The following STKLD1 variants were observed in gnomAD, a reference collection of about 807,000 sequenced individuals.
STKLD1 encodes the protein serine/threonine kinase like domain containing 1.
A neutral mutation model predicts 80.4 loss-of-function variants in STKLD1; 79 were observed. The observed-to-expected ratio is 0.98, with a 90% CI of 0.82 to 1.19. The LOEUF (loss-of-function observed/expected upper bound fraction) is 1.19. STKLD1 is among the 50% of genes most tolerant of loss of function. The pLI is 0.00. For missense variants in STKLD1, 841 were observed against 856.0 expected (o/e 0.98, Z 0.22); for synonymous variants, 393 against 357.6 (o/e 1.10, Z -1.12).
rs1554778380 is a variant in STKLD1 at position 133,404,802 on chromosome 9, C to T, written c.1746C>T (p.Phe582=). 6.2e-7 allele frequency: 1 copy of T among 1,612,946 alleles called. No individual in the cohort carries two copies. Residue 582 remains phenylalanine (F), a synonymous_variant, in exon 17 of 18, where the codon TTC becomes TTT. Transcript: ENST00000371957. ...SLVKVSELAA[F]KVVVQEEGGS... is the part of the protein sequence containing the mutation. The stretch of plus-strand genomic sequence containing the variant: ...CCCATCCCCCAGAGCTGGCGGCCTT[C>T]AAGGTGGTGGTGCAGGAGGAGGGCG...
intron 11 of STKLD1, 122 bp from the exon 12 acceptor site, chr9:133,400,291 C>A: frequency 5.7e-6 from 4 of 702,026 alleles, no homozygotes; most frequent in Middle Eastern, 2.6e-4. Context: ...ATTGTCCTTC[C>A]CCCTTCTATT....
intron 7 of STKLD1, among the ~76,000 whole-genome samples, chr9:133,392,016 T>A (rs28502181): frequency 6.7e-6 from 1 of 149,558 alleles, no homozygotes. Flanking sequence ...GCTGGAGAGA[T>A]CAACCACAGA....
Position 133,390,604 on chromosome 9 carries a change from TC to T in STKLD1, c.468-74del. On this transcript the variant is annotated intron_variant, in intron 6 of 17. Transcript: ENST00000371957. The surrounding 1 kb of genome is among the most constrained non-coding windows in gnomAD (Gnocchi z 5.1). ...GAGTCAGGCTCAGCACACACACTGG[TC>T]CCACCTGGGGTTGTGGGTGGTGGCT... The T allele has an allele frequency of 9.6e-7, 1 of 1,043,518 alleles. No homozygotes were observed. The highest frequency in any genetic ancestry group is 1.5e-6 in the Non-Finnish European group (1 of 667,980). The allele number at this position is 1,043,518 out of a possible 1,614,324, so 64.6% of individuals were successfully genotyped here.
intron 7 of STKLD1, among the ~76,000 whole-genome samples, chr9:133,391,352 G>A (rs184928185): frequency 0.081 from 11,516 of 141,608 alleles, 718 homozygotes; most frequent in African/African-American, 0.18. Context: ...CCGCCACCCC[G>A]TCTGGGAGGT....
chr9:133,378,191 T>C (rs1838047546), intron 1 of STKLD1, among the ~76,000 whole-genome samples: 1 of 152,196 alleles, frequency 6.6e-6, no homozygotes, highest in South Asian at 2.1e-4. Flanking sequence ...TGGCTTAGAA[T>C]ATCCAGTGTC....
In STKLD1 at chr9:133,376,461, G is replaced by A; in HGVS notation, c.-13G>A. 2.5e-6 allele frequency: 4 copies of A among 1,572,520 alleles called. No individual in the cohort carries two copies. Among genetic ancestry groups the A allele is most frequent in the Non-Finnish European group, 3.4e-6 (4 of 1,162,430 alleles). On this transcript the variant is annotated 5_prime_UTR_variant, in exon 1 of 18. Coordinates refer to ENST00000371957, the MANE Select transcript of STKLD1 (RefSeq NM_153710.5). ...AGGGGTGGACGCTCGCCCGTACGCG[G>A]TCGCTACTGATCATGCTTGGGCCAG... is the stretch of plus-strand genomic sequence containing the variant.
At chr9:133,391,397 G>A (rs11507291) in intron 7 of STKLD1, among the ~76,000 whole-genome samples, 13,978 of 145,720 alleles carry the variant, frequency 0.096, 890 homozygotes, top group African/African-American at 0.19. Context: ...GGCCATGATG[G>A]CAATGGCGGT....
intron 2 of STKLD1, among the ~76,000 whole-genome samples, chr9:133,383,169 T>G (rs1838180985): frequency 1.4e-5 from 2 of 138,248 alleles, no homozygotes; most frequent in Non-Finnish European, 3.1e-5. Context: ...TGGTGATGAT[T>G]GTGTGATGAT....
At chr9:133,378,237 C>T (rs1489302800) in intron 1 of STKLD1, among the ~76,000 whole-genome samples, 2 of 152,194 alleles carry the variant, frequency 1.3e-5, no homozygotes, top group Non-Finnish European at 2.9e-5. Context: ...ATTACAGACT[C>T]CTAAGACTTT....
intron 2 of STKLD1, among the ~76,000 whole-genome samples, chr9:133,380,162 A>G (rs1308687409): frequency 6.6e-6 from 1 of 152,116 alleles, no homozygotes; most frequent in Admixed American, 6.5e-5. Context: ...CAGCCTCCCA[A>G]GTAGCTGGGA....
intron 7 of STKLD1, among the ~76,000 whole-genome samples, chr9:133,392,921 T>A (rs1284476424): frequency 7.8e-5 from 10 of 128,054 alleles, no homozygotes; most frequent in Admixed American, 1.5e-4. Context: ...GGTGGGTCAG[T>A]GGATGGATGG....
At chr9:133,397,344 G>A (rs781854889) in intron 10 of STKLD1, 50 bp downstream of exon 10, 3 of 1,605,894 alleles carry the variant, frequency 1.9e-6, no homozygotes, top group Non-Finnish European at 1.7e-6. Flanking sequence ...TCCTGTCCAT[G>A]GCCTTGGCAT....
intron 1 of STKLD1, among the ~76,000 whole-genome samples, chr9:133,378,814 G>A (rs1036606307): frequency 1.3e-5 from 2 of 152,236 alleles, no homozygotes; most frequent in East Asian, 1.9e-4. Context: ...GGTTGTAGAA[G>A]AGCTCCAGAA....
rs1838716315 is a variant in STKLD1 at position 133,401,878 on chromosome 9, GGT to G, written c.1339+5_1339+6del. ...CCTGCTAGCCATCACCACAACCCAG[GGT>G]GTGTCTGCCAGCCACCTCCTGCCCC... On this transcript the variant is annotated splice_donor_variant, in intron 13 of 17. Coordinates refer to ENST00000371957, the MANE Select transcript of STKLD1 (RefSeq NM_153710.5). LOFTEE classifies it high-confidence loss of function. 1 of 1,612,972 alleles carries G rather than the reference GGT, an allele frequency of 6.2e-7. No individual in the cohort carries two copies. The highest frequency in any genetic ancestry group is 1.3e-5 in the African/African-American group (1 of 75,014).
At chr9:133,391,555 A>C (rs111315090) in intron 7 of STKLD1, among the ~76,000 whole-genome samples, 1 of 151,652 alleles carries the variant, frequency 6.6e-6, no homozygotes, top group East Asian at 1.9e-4. Context: ...CTGTTGATCT[A>C]TGACCTTACC....
At position 133,403,929 on chromosome 9, in the gene STKLD1, A is replaced by T; in HGVS notation, c.1613A>T (p.Lys538Met). 1 of 1,606,962 alleles carries T rather than the reference A, an allele frequency of 6.2e-7. No homozygotes were observed. The highest frequency in any genetic ancestry group is 8.5e-7 in the Non-Finnish European group (1 of 1,175,866). Residue 538 changes from lysine to methionine, a missense_variant, in exon 16 of 18, where the codon AAG becomes ATG. Coordinates refer to ENST00000371957, the MANE Select transcript of STKLD1 (RefSeq NM_153710.5). ...FWLLSLLGCI[K>M]EQQFEQVVAL... ...CGGCCCCTTTCTGCAGGCTGCATCAAGGAGCAGCAGTTTGAACAAGTGGTG... is the reference window on the plus strand; with the variant it reads ...CGGCCCCTTTCTGCAGGCTGCATCATGGAGCAGCAGTTTGAACAAGTGGTG...
At chr9:133,388,648 A>G (rs1030959416) in intron 5 of STKLD1, 3 of 704,436 alleles carry the variant, frequency 4.3e-6, no homozygotes, top group Non-Finnish European at 5.2e-6. Flanking sequence ...TTTGGAGTTT[A>G]AGAAGCATTT....
rs1050731601 is a variant in STKLD1, at chr9:133,394,982, G to A, written c.702+573G>A. Among the ~76,000 whole-genome samples the A allele has an allele frequency of 1.6e-4, 25 of 152,204 alleles. No individual in the cohort carries two copies. The highest frequency in any genetic ancestry group is 3.4e-4 in the Non-Finnish European group (23 of 68,042). ...GGTCACTCTGGCTGCAGGGAGGCAG[G>A]GAAGTCCAGCCTGTCGCTTCCTATC... On this transcript the variant is annotated intron_variant, in intron 8 of 17. Coordinates refer to ENST00000371957, the MANE Select transcript of STKLD1 (RefSeq NM_153710.5). This position sits in a 1 kb window ranked among gnomAD's most constrained non-coding sequence, Gnocchi z 4.9.
In STKLD1 at chr9:133,390,407, T is replaced by C. The variant is rs2130286573; in HGVS notation, c.468-274T>C. ...TGTCAATTAAGGGGCCTCTTCGGAG[T>C]GCTGGGTGTGTTCCTACTTGTGGTT... On this transcript the variant is annotated intron_variant, in intron 6 of 17. Transcript: ENST00000371957. This position sits in a 1 kb window ranked among gnomAD's most constrained non-coding sequence, Gnocchi z 5.1. Among the ~76,000 whole-genome samples the C allele has an allele frequency of 7.6e-4, 116 of 152,074 alleles. 2 individuals are homozygous for C. Among genetic ancestry groups the C allele is most frequent in the Admixed American group, 3.3e-4 (5 of 15,266 alleles).
Sources: allele counts gnomAD v4.1 joint callset (sites outside exome capture counted in the v4.1 genomes callset), GRCh38; gene constraint gnomAD v4.1.1; non-coding constraint Gnocchi (gnomAD v3.1); transcripts MANE v1.5; gene names NCBI Gene and HGNC (gene_info 2026-07-23, HGNC 2026-07-21).